The following ROBO1 variants were observed in gnomAD, a reference collection of about 807,000 sequenced individuals.
The protein encoded by ROBO1 is roundabout homolog 1.
ROBO1 carries 149 observed loss-of-function variants against 195.9 expected under a neutral mutation model. The observed-to-expected ratio is 0.76, with a 90% CI of 0.67 to 0.87. The LOEUF is 0.87. ROBO1 is among the 40% of genes least tolerant of loss of function. The pLI is 0.00. For synonymous variants in ROBO1, 816 were observed against 733.2 expected, an observed-to-expected ratio of 1.11 and a Z score of -1.82; for missense variants, 1,933 against 2,068.3, an observed-to-expected ratio of 0.93 and a Z score of 1.27.
intron 2 of ROBO1, among the ~76,000 whole-genome samples, chr3:79,450,077 C>A (rs2107189570): frequency 6.6e-6 from 1 of 151,092 alleles, no homozygotes; most frequent in East Asian, 1.9e-4. Context: ...AGCTTCTGAC[C>A]CAGTTCTTAG....
At chr3:79,522,277 A>G (rs989705475) in intron 2 of ROBO1, among the ~76,000 whole-genome samples, 11 of 150,044 alleles carry the variant, frequency 7.3e-5, no homozygotes, top group Admixed American at 5.3e-4. Context: ...GTCCCCTATT[A>G]TTATCTAAAC....
chr3:79,503,333 A>G (rs1259686897), intron 2 of ROBO1, among the ~76,000 whole-genome samples: 1 of 152,178 alleles, frequency 6.6e-6, no homozygotes, highest in African/African-American at 2.4e-5. Flanking sequence ...ACACATGGGA[A>G]CATCAGAAGA....
intron 1 of ROBO1, among the ~76,000 whole-genome samples, chr3:79,673,709 G>A (rs1254945752): frequency 2.0e-5 from 3 of 151,886 alleles, no homozygotes; most frequent in Admixed American, 1.3e-4. Flanking sequence ...GGTATTTTTG[G>A]CTTTTTAATT....
chr3:79,690,627 A>G (rs1271885744), intron 1 of ROBO1, among the ~76,000 whole-genome samples: 1 of 152,046 alleles, frequency 6.6e-6, no homozygotes, highest in Non-Finnish European at 1.5e-5. Flanking sequence ...CAGTGGCAAT[A>G]GAAAACTAAT....
At chr3:79,238,395 T>C (rs1192068560) in intron 2 of ROBO1, among the ~76,000 whole-genome samples, 1 of 152,190 alleles carries the variant, frequency 6.6e-6, no homozygotes, top group Non-Finnish European at 1.5e-5. Flanking sequence ...CTTCAGATGA[T>C]TGCCAAAATA....
chr3:78,617,059 T>C (rs1704152932), intron 27 of ROBO1, among the ~76,000 whole-genome samples: 1 of 152,148 alleles, frequency 6.6e-6, no homozygotes, highest in Non-Finnish European at 1.5e-5. Flanking sequence ...TGTATGCACA[T>C]TACATATACC....
Position 78,662,078 on chromosome 3 carries a change from T to C in ROBO1, c.2003A>G (p.Gln668Arg), listed in dbSNP as rs1267600371. Residue 668 changes from glutamine to arginine, a missense_variant, in exon 15 of 31, where the codon CAG (glutamine) becomes CGG (arginine). This residue lies in a region of ROBO1 where 1,737 missense variants were observed against 1,882.5 expected (regional missense o/e 0.92). Transcript: ENST00000464233. ...LPTSQGVDHK[Q>R]VQRELGNAVL... is the part of the protein sequence containing the mutation. Reference sequence around the variant, plus strand: ...AGCATTTCCCAGCTCTCTCTGGACCTGCTTGTGGTCCACCCCCTGACTTGT... The same window carrying C: ...AGCATTTCCCAGCTCTCTCTGGACCCGCTTGTGGTCCACCCCCTGACTTGT... 2 of 1,576,780 alleles carry C rather than the reference T, an allele frequency of 1.3e-6. No individual in the cohort carries two copies. The highest frequency in any genetic ancestry group is 1.7e-6 in the Non-Finnish European group (2 of 1,160,128).
intron 5 of ROBO1, among the ~76,000 whole-genome samples, chr3:78,737,511 G>C (rs931475539): frequency 5.3e-5 from 8 of 152,090 alleles, no homozygotes; most frequent in African/African-American, 1.9e-4. Flanking sequence ...ACGACACACT[G>C]AACTAATCTA....
chr3:79,766,215 C>A (rs1409100318), intron 1 of ROBO1, among the ~76,000 whole-genome samples: 2 of 151,926 alleles, frequency 1.3e-5, no homozygotes, highest in African/African-American at 4.8e-5. Context: ...CTTAAAAGAG[C>A]CCAGAAAAGC....
At chr3:79,741,647 A>T (rs1003971188) in intron 1 of ROBO1, among the ~76,000 whole-genome samples, 4 of 152,174 alleles carry the variant, frequency 2.6e-5, no homozygotes, top group African/African-American at 9.7e-5. Flanking sequence ...AGATATCTGA[A>T]AATGCAAAAG....
intron 2 of ROBO1, among the ~76,000 whole-genome samples, chr3:79,150,193 G>A (rs1270715357): frequency 6.6e-6 from 1 of 151,212 alleles, no homozygotes; most frequent in Non-Finnish European, 1.5e-5. Context: ...TTTGGGGGTG[G>A]TGGTTTGCCT....
intron 3 of ROBO1, among the ~76,000 whole-genome samples, chr3:79,032,806 C>CTCT (rs2108307434): frequency 6.6e-6 from 1 of 152,142 alleles, no homozygotes; most frequent in South Asian, 2.1e-4. Context: ...GATAGCAGGT[C>CTCT]TCTTTAATTT....
intron 4 of ROBO1, among the ~76,000 whole-genome samples, chr3:78,806,808 A>G (rs2084555637): frequency 6.6e-6 from 1 of 151,892 alleles, no homozygotes; most frequent in Non-Finnish European, 1.5e-5. Context: ...GCTTTTTTAA[A>G]TATCTTTTTT....
intron 1 of ROBO1, among the ~76,000 whole-genome samples, chr3:79,659,858 A>C (rs1003565361): frequency 2.6e-5 from 4 of 152,080 alleles, no homozygotes; most frequent in African/African-American, 7.2e-5. Context: ...AAGTATATGC[A>C]TAAGCCCAGC....
intron 10 of ROBO1, among the ~76,000 whole-genome samples, chr3:78,682,299 T>C (rs891180374): frequency 2.0e-5 from 3 of 151,630 alleles, no homozygotes; most frequent in Non-Finnish European, 2.9e-5. Context: ...TATATATATA[T>C]TGAAAAAAAG....
chr3:78,814,580 G>A (rs1376958971), intron 4 of ROBO1, among the ~76,000 whole-genome samples: 1 of 151,906 alleles, frequency 6.6e-6, no homozygotes. Context: ...TGAAATCAAA[G>A]CTAGACAAGA....
At chr3:79,135,716 C>T (rs186861642) in intron 2 of ROBO1, among the ~76,000 whole-genome samples, 3 of 152,042 alleles carry the variant, frequency 2.0e-5, no homozygotes, top group Admixed American at 6.5e-5. Flanking sequence ...CAGCTCACCG[C>T]AACTTTCGCC....
At chr3:78,938,403 A>T in intron 4 of ROBO1, 198 bp downstream of exon 4, 1 of 539,930 alleles carries the variant, frequency 1.9e-6, no homozygotes, top group Non-Finnish European at 3.3e-6. Context: ...ACTGTGTGTA[A>T]ATACCAATTT....
At chr3:79,547,833 C>T (rs765232875) in intron 2 of ROBO1, among the ~76,000 whole-genome samples, 3 of 152,070 alleles carry the variant, frequency 2.0e-5, no homozygotes, top group Non-Finnish European at 4.4e-5. Context: ...AATAGGATGT[C>T]CTGGGACTAC....
Sources: gnomAD v4.1 joint callset for allele counts (sites outside exome capture counted in the v4.1 genomes callset) on GRCh38, gnomAD v4.1.1 for gene constraint, gnomAD v4.1.1 regional missense constraint, MANE v1.5 for transcripts, NCBI Gene and HGNC (gene_info 2026-07-23, HGNC 2026-07-21) for gene names.